Variants in FIGNL2 observed in about 807,000 individuals in gnomAD.
FIGNL2 encodes fidgetin like 2.
For synonymous variants in FIGNL2, 565 were observed against 484.0 expected, an observed-to-expected ratio of 1.17 and a Z score of -2.20; for missense variants, 1,060 against 950.2, an observed-to-expected ratio of 1.12 and a Z score of -1.52.
At position 51,820,890 on chromosome 12, in the gene FIGNL2, GC is replaced by G. The variant is rs1565941259; in HGVS notation, c.1523del (p.Gly508AlafsTer182). On this transcript the variant is annotated frameshift_variant, in exon 2 of 2. Transcript: ENST00000618634. LOFTEE classifies it low-confidence loss of function (END_TRUNC). ...PARDDGAAAG[G>X]ALQVPLLACL... ...AGGCCAGGAGCGGCACCTGCAGCGC[GC>G]CCCCTGCCGCCGCGCCGTCGTCCCG... The G allele has an allele frequency of 3.7e-6, 5 of 1,343,968 alleles. No individual in the cohort carries two copies. Among genetic ancestry groups the G allele is most frequent in the South Asian group, 2.0e-5 (1 of 50,926 alleles). The allele number at this position is 1,343,968 out of a possible 1,614,324, so 83.3% of individuals were successfully genotyped here.
intron 1 of FIGNL2, chr12:51,847,657 C>T (rs1469834353): frequency 3.0e-6 from 3 of 985,464 alleles, no homozygotes; most frequent in Non-Finnish European, 3.6e-6. Context: ...CTTCCCAGGC[C>T]TCCTCCTCTG....
chr12:51,843,644 T>C (rs1226661464), intron 1 of FIGNL2, among the ~76,000 whole-genome samples: 2 of 152,094 alleles, frequency 1.3e-5, no homozygotes, highest in Non-Finnish European at 2.9e-5. Flanking sequence ...GGCCTGAGTC[T>C]GCCCTGGCAG....
chr12:51,821,567 A>G lies in FIGNL2; in HGVS notation c.847T>C (p.Tyr283His), dbSNP rs540872061. The G allele has an allele frequency of 3.9e-6, 6 of 1,540,100 alleles. No individual in the cohort carries two copies. The South Asian group carries it at 7.2e-5, about 18-fold the overall frequency. The stretch of plus-strand genomic sequence containing the variant: ...GCCACGGGGGCCTTGGCGGGCTCGT[A>G]CGCGTACTTGCGGTAGCGGCCCTCG... ...GPEGRYRKYA[Y>H]EPAKAPVADG... The change falls in exon 2 of 2, where the codon TAC becomes CAC. Residue 283 changes from tyrosine (Y) to histidine (H), a missense_variant. Coordinates refer to ENST00000618634, the MANE Select transcript of FIGNL2 (RefSeq NM_001384995.1).
rs1026625563 is a variant in FIGNL2, at chr12:51,848,129, G to C, written c.-12+411C>G. 4.1e-6 allele frequency: 4 copies of C among 985,108 alleles called. No homozygotes were observed. In the African/African-American group the frequency reaches 7.0e-5, roughly 17 times the overall value. The allele number at this position is 985,108 out of a possible 1,614,324, so 61.0% of individuals were successfully genotyped here. ...GCTGGACAAAGACCTGACGGAGTGG[G>C]AGGGGCCTGCGGGCCGGCCCTCGGG... On this transcript the variant is annotated intron_variant, in intron 1 of 1. Transcript: ENST00000618634.
At chr12:51,829,125 C>T (rs1035952761) in intron 1 of FIGNL2, among the ~76,000 whole-genome samples, 4 of 152,256 alleles carry the variant, frequency 2.6e-5, no homozygotes, top group African/African-American at 9.6e-5. Flanking sequence ...GGGGCCATGC[C>T]TCTGGGCAAG....
chr12:51,819,731 CA>C lies in FIGNL2; in HGVS notation c.*720del, dbSNP rs1939124626. On this transcript the variant is annotated 3_prime_UTR_variant, in exon 2 of 2. Coordinates refer to ENST00000618634, the MANE Select transcript of FIGNL2 (RefSeq NM_001384995.1). ...TCTGGGATCTCCCCTCAAAAACAAACAAAAAATTCCCCTTCTTTGGGGACTT... is the reference window on the plus strand; with the variant it reads ...TCTGGGATCTCCCCTCAAAAACAAACAAAAATTCCCCTTCTTTGGGGACTT... 6.6e-6 allele frequency: 1 copy of C among 152,516 alleles called. No individual in the cohort carries two copies. The highest frequency in any genetic ancestry group is 2.4e-5 in the African/African-American group (1 of 41,430). 9.4% of individuals were successfully genotyped at this position (152,516 alleles called of 1,614,324 possible).
chr12:51,847,940 GCT>G, intron 1 of FIGNL2: 1 of 773,850 alleles, frequency 1.3e-6, no homozygotes, highest in Non-Finnish European at 1.6e-6. Flanking sequence ...TGAGACGCGG[GCT>G]CTGTTCTCCC....
chr12:51,821,234 C>A lies in FIGNL2; in HGVS notation c.1180G>T (p.Val394Leu). The A allele has an allele frequency of 6.6e-7, 1 of 1,525,106 alleles. No homozygotes were observed. The highest frequency in any genetic ancestry group is 8.8e-7 in the Non-Finnish European group (1 of 1,142,288). 94.5% of individuals were successfully genotyped at this position (1,525,106 alleles called of 1,614,324 possible). ...GCCTTGAGCGCGCCCTGGCCCGCCACATCCGCCCACTGCACCGGGGGCCCG... is the reference window on the plus strand; with the variant it reads ...GCCTTGAGCGCGCCCTGGCCCGCCAAATCCGCCCACTGCACCGGGGGCCCG... ...DCGPPVQWADVAGQGALKAAL... is the reference protein window; with the variant it reads ...DCGPPVQWADLAGQGALKAAL... The change falls in exon 2 of 2, where the codon GTG becomes TTG. Residue 394 changes from valine to leucine, a missense_variant. Coordinates refer to ENST00000618634, the MANE Select transcript of FIGNL2 (RefSeq NM_001384995.1).
rs762959302 is a variant in FIGNL2, at chr12:51,821,622, C to T, written c.792G>A (p.Ser264=). ...CCTCGTCGGCGGCCTTGCGCTTCAG[C>T]GACAGCCCGGATTCGGCACCCGGCG... The part of the protein sequence containing the change: ...TAAPGAESGL[S]LKRKAADEGP... Residue 264 remains serine (S), a synonymous_variant, in exon 2 of 2, where the codon TCG becomes TCA. Transcript: ENST00000618634. 1.3e-6 allele frequency: 2 copies of T among 1,494,068 alleles called. No homozygotes were observed. The highest frequency in any genetic ancestry group is 2.5e-5 in the South Asian group (2 of 80,386). 92.6% of individuals were successfully genotyped at this position (1,494,068 alleles called of 1,614,324 possible).
chr12:51,829,202 C>T (rs1939404960), intron 1 of FIGNL2, among the ~76,000 whole-genome samples: 1 of 152,370 alleles, frequency 6.6e-6, no homozygotes, highest in Admixed American at 6.5e-5. Flanking sequence ...CATTGTCGGC[C>T]TCCCTTATGG....
At chr12:51,824,349 G>C (rs1199842539) in intron 1 of FIGNL2, 2 of 152,254 alleles carry the variant, frequency 1.3e-5, no homozygotes, top group Non-Finnish European at 2.9e-5. Flanking sequence ...GGCCTTCCTA[G>C]CAGCAGCTTG....
At position 51,826,696 on chromosome 12, in the gene FIGNL2, C is replaced by T. The variant is rs551963924; in HGVS notation, c.-11-4272G>A. 1.1e-3 allele frequency among the ~76,000 whole-genome samples: 161 copies of T among 151,064 alleles called. 1 individual carries two copies. Among genetic ancestry groups the T allele is most frequent in the African/African-American group, 3.5e-3 (142 of 41,110 alleles). On this transcript the variant is annotated intron_variant, in intron 1 of 1. Transcript: ENST00000618634. ...AGGAAGCAGGGCACCAGGTCAGCAA[C>T]TTCTGCTAAACTTAGTTCCATAGCG...
intron 1 of FIGNL2, among the ~76,000 whole-genome samples, chr12:51,843,171 C>T (rs1939689148): frequency 1.3e-5 from 2 of 152,102 alleles, no homozygotes; most frequent in African/African-American, 2.4e-5. Context: ...GCTGGACACC[C>T]GCGGGAGCAG....
chr12:51,847,838 C>T (rs1017551620), intron 1 of FIGNL2: 3 of 985,156 alleles, frequency 3.0e-6, no homozygotes, highest in East Asian at 2.3e-4. Flanking sequence ...TTTGAGGGGC[C>T]CTCTCTGGAG....
At position 51,821,534 on chromosome 12, in the gene FIGNL2, C is replaced by T. The variant is rs1369667641; in HGVS notation, c.880G>A (p.Ala294Thr). The T allele has an allele frequency of 8.3e-6, 13 of 1,561,702 alleles. No individual in the cohort carries two copies. Among genetic ancestry groups the T allele is most frequent in the South Asian group, 1.2e-5 (1 of 85,816 alleles). Residue 294 changes from alanine to threonine, a missense_variant, in exon 2 of 2, where the codon GCC (alanine) becomes ACC (threonine). By Grantham distance (58) the Ala-to-Thr change is moderately conservative (BLOSUM62 0). Transcript: ENST00000618634. ...CCGTTGTCCGCGGCGGGGTAGGAGGCTCCGTCAGCCACGGGGGCCTTGGCG... is the reference window on the plus strand; with the variant it reads ...CCGTTGTCCGCGGCGGGGTAGGAGGTTCCGTCAGCCACGGGGGCCTTGGCG... ...EPAKAPVADG[A>T]SYPAADNGEC...
chr12:51,848,081 T>TCC (rs1331793274), intron 1 of FIGNL2: 8 of 733,790 alleles, frequency 1.1e-5, no homozygotes, highest in African/African-American at 2.0e-5. Context: ...CCCCCACCCC[T>TCC]CCCACACACA....
intron 1 of FIGNL2, among the ~76,000 whole-genome samples, chr12:51,827,195 T>C (rs901687638): frequency 2.0e-5 from 3 of 152,232 alleles, no homozygotes; most frequent in Admixed American, 6.5e-5. Flanking sequence ...GGGGACCCCA[T>C]GTCTCCTGTC....
Position 51,826,760 on chromosome 12 carries a change from A to C in FIGNL2, c.-11-4336T>G, listed in dbSNP as rs548457230. On this transcript the variant is annotated intron_variant, in intron 1 of 1. Coordinates refer to ENST00000618634, the MANE Select transcript of FIGNL2 (RefSeq NM_001384995.1). ...TAACCCCTTCCAAGAGAAAGAACTCAGCTGCCAAAGGACCAGCCCCAACCT... is the reference window on the plus strand; with the variant it reads ...TAACCCCTTCCAAGAGAAAGAACTCCGCTGCCAAAGGACCAGCCCCAACCT... Among the ~76,000 whole-genome samples the C allele has an allele frequency of 7.9e-5, 12 of 152,296 alleles. No individual in the cohort carries two copies. In the South Asian group the frequency reaches 2.5e-3, roughly 32 times the overall value.
chr12:51,823,005 G>A (rs1939258493), intron 1 of FIGNL2, among the ~76,000 whole-genome samples: 1 of 152,250 alleles, frequency 6.6e-6, no homozygotes, highest in Non-Finnish European at 1.5e-5. Flanking sequence ...AAGGCCCCGT[G>A]TGGGCCTGAG....
Sources: gnomAD v4.1 joint callset for allele counts (sites outside exome capture counted in the v4.1 genomes callset) on GRCh38, gnomAD v4.1.1 for gene constraint, MANE v1.5 for transcripts, NCBI Gene and HGNC (gene_info 2026-07-23, HGNC 2026-07-21) for gene names.